Variants in CUX1 observed in about 807,000 individuals in gnomAD.
CUX1 encodes cut like homeobox 1.
In CUX1, 31 loss-of-function variants were observed where a neutral mutation model predicts 158.8. That is an observed-to-expected ratio of 0.20 (90% confidence interval 0.15 to 0.26). CUX1 has a LOEUF of 0.26. CUX1 is among the 10% of genes least tolerant of loss of function. CUX1 has a pLI of 1.00. For synonymous variants in CUX1, 879 were observed against 862.1 expected, an observed-to-expected ratio of 1.02 and a Z score of -0.34; for missense variants, 1,589 against 2,014.6, an observed-to-expected ratio of 0.79 and a Z score of 4.04.
At chr7:102,235,680 C>T (rs1251626973) in intron 22 of CUX1, among the ~76,000 whole-genome samples, 1 of 146,420 alleles carries the variant, frequency 6.8e-6, no homozygotes, top group African/African-American at 2.5e-5. Flanking sequence ...CCAGCCTGGG[C>T]GGCACAGCGA....
chr7:101,899,114 C>T (rs1312527299), intron 1 of CUX1, among the ~76,000 whole-genome samples: 1 of 152,194 alleles, frequency 6.6e-6, no homozygotes, highest in Non-Finnish European at 1.5e-5. Flanking sequence ...GCTGCATGGG[C>T]AGTGTTCTGG....
At chr7:102,229,216 C>A (rs965197141) in intron 21 of CUX1, among the ~76,000 whole-genome samples, 27 of 152,252 alleles carry the variant, frequency 1.8e-4, no homozygotes, top group African/African-American at 5.8e-4. Flanking sequence ...CTCTAGCCCC[C>A]TGGGTGCTCG....
intron 15 of CUX1, chr7:102,274,142 C>A: frequency 8.4e-7 from 1 of 1,192,900 alleles, no homozygotes; most frequent in Non-Finnish European, 1.2e-6. Context: ...CCCACCCACT[C>A]CTTGCCACAC....
At position 102,072,651 on chromosome 7, in the gene CUX1, G is replaced by A. The variant is rs559928823; in HGVS notation, c.268+2234G>A. On this transcript the variant is annotated intron_variant, in intron 4 of 23. Coordinates refer to ENST00000292535, the MANE Select transcript of CUX1 (RefSeq NM_181552.4). ...ACGCTGGTCCTTTTGTTACTTAGGC[G>A]TGGCAAGTGGGGGTTTTTCCTTCGA... 3.9e-5 allele frequency among the ~76,000 whole-genome samples: 6 copies of A among 152,310 alleles called. No individual in the cohort carries two copies. The South Asian group carries it at 6.2e-4, about 16-fold the overall frequency.
chr7:101,964,276 C>CT (rs1200529987), intron 2 of CUX1, among the ~76,000 whole-genome samples: 1 of 152,046 alleles, frequency 6.6e-6, no homozygotes, highest in Admixed American at 6.5e-5. Flanking sequence ...TTGCTTGAAC[C>CT]TGGGGGGCGG....
chr7:102,206,319 G>A (rs1795943439), intron 20 of CUX1, among the ~76,000 whole-genome samples: 1 of 152,216 alleles, frequency 6.6e-6, no homozygotes, highest in African/African-American at 2.4e-5. Context: ...TGGACATCTA[G>A]GTGGAGCGGG....
intron 1 of CUX1, among the ~76,000 whole-genome samples, chr7:101,899,789 C>G (rs1801940891): frequency 6.6e-6 from 1 of 152,114 alleles, no homozygotes; most frequent in Non-Finnish European, 1.5e-5. Context: ...CATGAATTTC[C>G]TACCTCCAGG....
At chr7:102,156,644 G>A (rs1360223866) in intron 8 of CUX1, among the ~76,000 whole-genome samples, 1 of 152,140 alleles carries the variant, frequency 6.6e-6, no homozygotes, top group Non-Finnish European at 1.5e-5. Flanking sequence ...ATAGCAGGGT[G>A]GGTGGGTACT....
At position 102,249,683 on chromosome 7, in the gene CUX1, G is replaced by A. The variant is rs1395736680; in HGVS notation, c.*641G>A. ...CTTAAACCAGGAAAAAATAAAAGGGGGGGTGGGATTTTTCAGAAAAATTAA... is the reference window on the plus strand; with the variant it reads ...CTTAAACCAGGAAAAAATAAAAGGGAGGGTGGGATTTTTCAGAAAAATTAA... On this transcript the variant is annotated 3_prime_UTR_variant, in exon 24 of 24. Coordinates refer to ENST00000292535, the MANE Select transcript of CUX1 (RefSeq NM_181552.4). The A allele has an allele frequency of 3.0e-6, 3 of 985,430 alleles. No homozygotes were observed. Among genetic ancestry groups the A allele is most frequent in the East Asian group, 2.3e-4 (2 of 8,814 alleles). The allele number at this position is 985,430 out of a possible 1,614,324, so 61.0% of individuals were successfully genotyped here.
intron 1 of CUX1, among the ~76,000 whole-genome samples, chr7:101,881,897 G>A (rs1799746166): frequency 6.6e-6 from 1 of 152,142 alleles, no homozygotes; most frequent in South Asian, 2.1e-4. Context: ...GAATCACAGG[G>A]CAAGGTGCAG....
intron 19 of CUX1, 138 bp from the exon 20 acceptor site, chr7:102,204,976 T>A (rs1156370019): frequency 1.5e-6 from 1 of 648,328 alleles, no homozygotes; most frequent in Non-Finnish European, 2.7e-6. Flanking sequence ...CAGCAGCGCC[T>A]CCCCGGCCCG....
chr7:102,259,140 C>T (rs1476759937), downstream of CUX1, among the ~76,000 whole-genome samples: 1 of 152,202 alleles, frequency 6.6e-6, no homozygotes. Context: ...TTCAATCCTC[C>T]CTCCAGTGGG....
intron 1 of CUX1, among the ~76,000 whole-genome samples, chr7:101,865,145 G>GT (rs1797818385): frequency 6.6e-6 from 1 of 152,150 alleles, no homozygotes; most frequent in Non-Finnish European, 1.5e-5. Flanking sequence ...TGGGGCCTGG[G>GT]TTCCCCCTGC....
At chr7:102,044,557 A>C (rs576683103) in intron 3 of CUX1, among the ~76,000 whole-genome samples, 13 of 152,116 alleles carry the variant, frequency 8.5e-5, no homozygotes, top group African/African-American at 3.1e-4. Context: ...CCCTCTTTCC[A>C]GCCTGCTCTT....
intron 5 of CUX1, among the ~76,000 whole-genome samples, chr7:102,103,268 G>T (rs1585684585): frequency 1.3e-5 from 2 of 152,126 alleles, no homozygotes; most frequent in South Asian, 4.1e-4. Context: ...CTCCAGGGTG[G>T]GTCCCTTCCA....
At chr7:102,149,760 C>G (rs1554503082) in intron 8 of CUX1, among the ~76,000 whole-genome samples, 1 of 152,192 alleles carries the variant, frequency 6.6e-6, no homozygotes, top group African/African-American at 2.4e-5. Flanking sequence ...TCCCCCACCC[C>G]TTGCCCAACT....
intron 2 of CUX1, among the ~76,000 whole-genome samples, chr7:101,935,470 T>G (rs1806808149): frequency 6.6e-6 from 1 of 152,224 alleles, no homozygotes; most frequent in Non-Finnish European, 1.5e-5. Flanking sequence ...AAGGCCTGGC[T>G]CCGTCCACGC....
rs182342888 is a variant in CUX1 at position 102,172,134 on chromosome 7, G to A, written c.828+1584G>A. 2.4e-4 allele frequency among the ~76,000 whole-genome samples: 37 copies of A among 152,270 alleles called. No homozygotes were observed. The East Asian group carries it at 4.8e-3, about 20-fold the overall frequency. ...AGAGTCTTCTTCTGTCGCCCAGGCTGGAGTGTAGTGGCGTGATCTCAGCTC... is the reference window on the plus strand; with the variant it reads ...AGAGTCTTCTTCTGTCGCCCAGGCTAGAGTGTAGTGGCGTGATCTCAGCTC... On this transcript the variant is annotated intron_variant, in intron 10 of 23. Transcript: ENST00000292535.
intron 20 of CUX1, among the ~76,000 whole-genome samples, chr7:102,223,801 TC>T (rs1554527824): frequency 6.6e-6 from 1 of 152,070 alleles, no homozygotes. Flanking sequence ...AAACCCCATC[TC>T]TACTAAAAAT....
Sources: allele counts gnomAD v4.1 joint callset (sites outside exome capture counted in the v4.1 genomes callset), GRCh38; gene constraint gnomAD v4.1.1; transcripts MANE v1.5; gene names NCBI Gene and HGNC (gene_info 2026-07-23, HGNC 2026-07-21).